Variants in LPP observed in about 807,000 individuals in gnomAD.
LPP encodes the protein LIM domain containing preferred translocation partner in lipoma.
LPP carries 38 observed loss-of-function variants against 60.4 expected under a neutral mutation model. That is an observed-to-expected ratio of 0.63 (90% confidence interval 0.49 to 0.83). The LOEUF (loss-of-function observed/expected upper bound fraction) is 0.83. Among genes scored for constraint, LPP ranks in the 40% least tolerant of loss-of-function variants. The pLI, the probability that LPP is intolerant of heterozygous loss-of-function variation, is 0.00. For synonymous variants in LPP, 328 were observed against 290.8 expected, an observed-to-expected ratio of 1.13 and a Z score of -1.30; for missense variants, 902 against 783.6, an observed-to-expected ratio of 1.15 and a Z score of -1.80.
rs545352660 is a variant in LPP, at chr3:188,798,442, A to G, written c.1410+38160A>G. Among the ~76,000 whole-genome samples, 241 of 152,276 alleles carry G rather than the reference A, an allele frequency of 1.6e-3. 2 individuals are homozygous for G. The highest frequency in any genetic ancestry group is 2.8e-3 in the Non-Finnish European group (191 of 68,004). On this transcript the variant is annotated intron_variant, in intron 9 of 11. Coordinates refer to ENST00000617246, the MANE Select transcript of LPP (RefSeq NM_001375462.1). Reference sequence around the variant, plus strand: ...ATAAGGCCTGTTGAGACATTCAGAGATGTCTCCCTGATCTTCAAAGATGAA... The same window carrying G: ...ATAAGGCCTGTTGAGACATTCAGAGGTGTCTCCCTGATCTTCAAAGATGAA...
Position 188,625,699 on chromosome 3 carries a change from G to A in LPP, c.1113+15855G>A, listed in dbSNP as rs898349545. On this transcript the variant is annotated intron_variant, in intron 7 of 11. Coordinates refer to ENST00000617246, the MANE Select transcript of LPP (RefSeq NM_001375462.1). ...TTTCCAGTTGCTTAACATTTAGATTGATAAACATGAAATTCATTAAACAGG... is the reference window on the plus strand; with the variant it reads ...TTTCCAGTTGCTTAACATTTAGATTAATAAACATGAAATTCATTAAACAGG... 7.9e-5 allele frequency among the ~76,000 whole-genome samples: 12 copies of A among 152,066 alleles called. No individual in the cohort carries two copies. The South Asian group carries it at 8.3e-4, about 10-fold the overall frequency.
chr3:188,840,922 A>G lies in LPP; in HGVS notation c.1411-25278A>G, dbSNP rs190175969. Among the ~76,000 whole-genome samples, 351 of 152,306 alleles carry G rather than the reference A, an allele frequency of 2.3e-3. 3 individuals are homozygous for G. Among genetic ancestry groups the G allele is most frequent in the Non-Finnish European group, 2.7e-3 (183 of 68,026 alleles). ...CTGGGGTTCATTTTACATTAAAAGT[A>G]GAGCCATCTGATGTGGCGGGCATCC... On this transcript the variant is annotated intron_variant, in intron 9 of 11. Transcript: ENST00000617246.
At chr3:188,643,618 T>A (rs965968332) in intron 7 of LPP, among the ~76,000 whole-genome samples, 5 of 151,908 alleles carry the variant, frequency 3.3e-5, no homozygotes, top group African/African-American at 9.7e-5. Flanking sequence ...AACCCAGGAG[T>A]ATAGATGTGA....
intron 7 of LPP, among the ~76,000 whole-genome samples, chr3:188,687,855 A>G (rs1432398276): frequency 6.7e-6 from 1 of 149,018 alleles, no homozygotes; most frequent in East Asian, 2.0e-4. Flanking sequence ...GCTCACTGCA[A>G]CCTCCACCTC....
chr3:188,800,013 G>T (rs1336433406), intron 9 of LPP, among the ~76,000 whole-genome samples: 2 of 151,948 alleles, frequency 1.3e-5, no homozygotes, highest in Non-Finnish European at 2.9e-5. Flanking sequence ...ACATTGTTCT[G>T]CACCTTGCTT....
chr3:188,298,691 A>G (rs186404735), intron 2 of LPP, among the ~76,000 whole-genome samples: 10 of 152,348 alleles, frequency 6.6e-5, no homozygotes, highest in Admixed American at 2.0e-4. Flanking sequence ...AGACACACTC[A>G]GGGCATGAAA....
rs11293941 is a variant in LPP at position 188,880,966 on chromosome 3, TAAAAAA to T, written c.*6497_*6502del. 7,253 of 147,858 alleles carry T rather than the reference TAAAAAA, an allele frequency of 0.049. 197 individuals are homozygous for T. The highest frequency in any genetic ancestry group is 0.064 in the Non-Finnish European group (4,368 of 68,120). The allele number at this position is 147,858 out of a possible 1,614,324, so 9.2% of individuals were successfully genotyped here. On this transcript the variant is annotated 3_prime_UTR_variant, in exon 12 of 12. Transcript: ENST00000617246. ...TAACACGGTGAAACCCCGTCTCTAC[TAAAAAA>T]AAAAAAAAATACAAAAAATTAGCCT...
At chr3:188,823,047 A>T (rs926303836) in intron 9 of LPP, among the ~76,000 whole-genome samples, 10 of 152,254 alleles carry the variant, frequency 6.6e-5, no homozygotes, top group African/African-American at 1.7e-4. Context: ...TAATTCAATT[A>T]CTTCCTTCCA....
chr3:188,381,661 A>G (rs1046616198), intron 3 of LPP, among the ~76,000 whole-genome samples: 2 of 152,174 alleles, frequency 1.3e-5, no homozygotes, highest in African/African-American at 2.4e-5. Flanking sequence ...CTTCACTTTT[A>G]TATCGGTTGG....
intron 6 of LPP, among the ~76,000 whole-genome samples, chr3:188,581,196 A>G (rs1372516904): frequency 6.6e-6 from 1 of 152,070 alleles, no homozygotes; most frequent in Non-Finnish European, 1.5e-5. Flanking sequence ...CTCAGGGCAA[A>G]AAAAGTCCAG....
chr3:188,697,372 T>C (rs1453698578), intron 7 of LPP, among the ~76,000 whole-genome samples: 2 of 152,234 alleles, frequency 1.3e-5, no homozygotes, highest in African/African-American at 4.8e-5. Context: ...GAAAGTGATG[T>C]GCCAAGCGTC....
chr3:188,649,845 A>T (rs184427182), intron 7 of LPP, among the ~76,000 whole-genome samples: 1 of 152,324 alleles, frequency 6.6e-6, no homozygotes, highest in East Asian at 1.9e-4. Context: ...GCTAAATGTC[A>T]TAATGAACAA....
intron 9 of LPP, among the ~76,000 whole-genome samples, chr3:188,762,387 AATGAT>A: frequency 6.6e-6 from 1 of 152,222 alleles, no homozygotes; most frequent in Admixed American, 6.5e-5. Flanking sequence ...GATTAACTTT[AATGAT>A]GTTTCTGAAA....
intron 4 of LPP, among the ~76,000 whole-genome samples, chr3:188,447,960 C>CTCTCTCT (rs1380087123): frequency 6.6e-6 from 1 of 152,154 alleles, no homozygotes; most frequent in African/African-American, 2.4e-5. Flanking sequence ...ATTCCCAAGC[C>CTCTCTCT]TCAACCACAT....
At chr3:188,651,740 C>T (rs749218366) in intron 7 of LPP, among the ~76,000 whole-genome samples, 6 of 152,124 alleles carry the variant, frequency 3.9e-5, no homozygotes, top group Non-Finnish European at 8.8e-5. Context: ...ATCATGAGAA[C>T]AGCACGGGAA....
At chr3:188,491,432 G>T (rs796670404) in intron 5 of LPP, among the ~76,000 whole-genome samples, 9 of 152,258 alleles carry the variant, frequency 5.9e-5, no homozygotes, top group African/African-American at 2.2e-4. Flanking sequence ...AGGATATCTT[G>T]ATCCATGAAA....
chr3:188,537,344 AAAAG>A (rs1458106118), intron 6 of LPP, among the ~76,000 whole-genome samples: 1 of 152,204 alleles, frequency 6.6e-6, no homozygotes, highest in Non-Finnish European at 1.5e-5. Context: ...GGGCAAAAGA[AAAAG>A]AAACAATAGA....
chr3:188,585,946 A>G (rs956995938), intron 6 of LPP, among the ~76,000 whole-genome samples: 1 of 152,226 alleles, frequency 6.6e-6, no homozygotes, highest in African/African-American at 2.4e-5. Context: ...CATAAGGTCT[A>G]TGACTGCATT....
At chr3:188,696,488 A>G (rs1863267350) in intron 7 of LPP, among the ~76,000 whole-genome samples, 1 of 151,962 alleles carries the variant, frequency 6.6e-6, no homozygotes, top group Admixed American at 6.6e-5. Context: ...CAAAAATTAG[A>G]CAGAGAAATT....
Sources: gnomAD v4.1 joint callset for allele counts (sites outside exome capture counted in the v4.1 genomes callset) on GRCh38, gnomAD v4.1.1 for gene constraint, MANE v1.5 for transcripts, NCBI Gene and HGNC (gene_info 2026-07-23, HGNC 2026-07-21) for gene names.